Variants in FRMPD4 observed in about 807,000 individuals in gnomAD.
FRMPD4 encodes the protein FERM and PDZ domain containing 4.
In FRMPD4, 22 loss-of-function variants were observed where a neutral mutation model predicts 94.1. The ratio of observed to expected loss-of-function variants is 0.23; its 90% CI spans 0.17 to 0.33. The LOEUF (loss-of-function observed/expected upper bound fraction) is 0.33. FRMPD4 is among the 10% of genes least tolerant of loss of function. The pLI is 1.00. For missense variants in FRMPD4, 1,111 were observed against 1,339.9 expected, an observed-to-expected ratio of 0.83 and a Z score of 2.67; for synonymous variants, 631 against 548.6, an observed-to-expected ratio of 1.15 and a Z score of -2.10.
chrX:12,526,838 G>A (rs1331384926), intron 2 of FRMPD4, among the ~76,000 whole-genome samples: 3 of 112,101 alleles, frequency 2.7e-5, no homozygotes, highest in African/African-American at 9.7e-5. Flanking sequence ...AAATAATGTT[G>A]TCTTATACAT....
intron 1 of FRMPD4, among the ~76,000 whole-genome samples, chrX:12,322,360 G>A (rs2055219891): frequency 9.0e-6 from 1 of 111,396 alleles, no homozygotes; most frequent in Non-Finnish European, 1.9e-5. Flanking sequence ...CAAGGTAATT[G>A]AAGGATGTCA....
intron 1 of FRMPD4, among the ~76,000 whole-genome samples, chrX:12,358,537 C>T (rs2055930095): frequency 9.0e-6 from 1 of 111,369 alleles, no homozygotes; most frequent in African/African-American, 3.3e-5. Flanking sequence ...TGTGACTTGC[C>T]ATTTACTTGG....
chrX:11,970,323 T>G (rs2054333378), intron 3 of FRMPD4, among the ~76,000 whole-genome samples: 1 of 111,988 alleles, frequency 8.9e-6, no homozygotes, highest in African/African-American at 3.2e-5. Context: ...GTACTTTGTA[T>G]AGTTGATCAC....
chrX:12,342,259 T>A (rs186396891), intron 1 of FRMPD4, among the ~76,000 whole-genome samples: 37 of 112,231 alleles, frequency 3.3e-4, no homozygotes, highest in Admixed American at 7.6e-4. Context: ...ATAGGTATAT[T>A]TCTATAAGCA....
chrX:12,019,485 C>G (rs1306950931), intron 3 of FRMPD4, among the ~76,000 whole-genome samples: 5 of 110,289 alleles, frequency 4.5e-5, no homozygotes, highest in Non-Finnish European at 7.6e-5. Context: ...TCTGACTAAG[C>G]CATTCCCCTG....
chrX:12,278,093 C>T (rs2054468868), intron 1 of FRMPD4, among the ~76,000 whole-genome samples: 1 of 112,684 alleles, frequency 8.9e-6, no homozygotes, highest in African/African-American at 3.2e-5. Flanking sequence ...AGTGAGGGCT[C>T]TGCATAGATT....
intron 1 of FRMPD4, among the ~76,000 whole-genome samples, chrX:12,266,775 T>G (rs957062680): frequency 3.6e-5 from 4 of 112,107 alleles, no homozygotes; most frequent in Non-Finnish European, 7.5e-5. Context: ...GGAAATAATA[T>G]GAGAGATGTA....
intron 2 of FRMPD4, among the ~76,000 whole-genome samples, chrX:12,526,449 C>G (rs190203735): frequency 7.8e-4 from 88 of 112,805 alleles, no homozygotes; most frequent in African/African-American, 2.8e-3. Flanking sequence ...TCACAAAGAG[C>G]CCCTTGGGGC....
chrX:12,472,445 G>C (rs2057525216), intron 1 of FRMPD4, among the ~76,000 whole-genome samples: 1 of 112,499 alleles, frequency 8.9e-6, no homozygotes, highest in African/African-American at 3.2e-5. Context: ...TGTGGGGTCA[G>C]CATGGAGCTC....
chrX:12,253,654 G>A (rs1200729333), intron 1 of FRMPD4, among the ~76,000 whole-genome samples: 1 of 111,971 alleles, frequency 8.9e-6, no homozygotes, highest in Non-Finnish European at 1.9e-5. Context: ...ATTGGATAAT[G>A]TGTGTGTAGT....
chrX:11,839,204 T>C (rs891163098), intron 1 of FRMPD4, among the ~76,000 whole-genome samples: 1 of 111,670 alleles, frequency 9.0e-6, no homozygotes, highest in African/African-American at 3.2e-5. Flanking sequence ...GCTGTACCAT[T>C]TTACATCCCC....
chrX:12,100,822 A>G (rs555649095), intron 3 of FRMPD4, among the ~76,000 whole-genome samples: 28 of 111,983 alleles, frequency 2.5e-4, no homozygotes, highest in African/African-American at 8.4e-4. Flanking sequence ...AAGGCATTGA[A>G]AGAAACAAGC....
At chrX:12,028,428 G>GCATCTCA (rs1187285325) in intron 3 of FRMPD4, among the ~76,000 whole-genome samples, 1 of 110,945 alleles carries the variant, frequency 9.0e-6, no homozygotes, top group Non-Finnish European at 1.9e-5. Context: ...GCCATTATCA[G>GCATCTCA]CATCTCACAC....
At chrX:12,567,233 C>T (rs1343209640) in intron 2 of FRMPD4, among the ~76,000 whole-genome samples, 1 of 111,803 alleles carries the variant, frequency 8.9e-6, no homozygotes, top group African/African-American at 3.3e-5. Context: ...GCTTTGGGAG[C>T]AACAGATTTG....
intron 2 of FRMPD4, among the ~76,000 whole-genome samples, chrX:12,532,417 G>C: frequency 9.0e-6 from 1 of 111,700 alleles, no homozygotes; most frequent in Non-Finnish European, 1.9e-5. Flanking sequence ...AGTTGGATGG[G>C]AGGTGAATTT....
intron 2 of FRMPD4, among the ~76,000 whole-genome samples, chrX:12,566,493 CATCACAAT>C (rs1459906940): frequency 8.9e-6 from 1 of 111,859 alleles, no homozygotes; most frequent in African/African-American, 3.2e-5. Context: ...CACTTCATAG[CATCACAAT>C]ATCACAATAT....
intron 1 of FRMPD4, among the ~76,000 whole-genome samples, chrX:12,250,042 C>CTG (rs2054013576): frequency 1.4e-5 from 1 of 70,469 alleles, no homozygotes; most frequent in Non-Finnish European, 2.5e-5. Flanking sequence ...CTCTCTCTCT[C>CTG]TCTCTCTGTG....
chrX:12,320,318 G>A (rs1012100416), intron 1 of FRMPD4, among the ~76,000 whole-genome samples: 1 of 111,064 alleles, frequency 9.0e-6, no homozygotes, highest in Non-Finnish European at 1.9e-5. Context: ...CTTCTTCAAG[G>A]CCACGCAGCA....
intron 1 of FRMPD4, among the ~76,000 whole-genome samples, chrX:12,210,551 C>A (rs1003139504): frequency 4.8e-4 from 54 of 111,392 alleles, no homozygotes; most frequent in Non-Finnish European, 1.1e-4. Context: ...AGGGGCTGGC[C>A]AGACAGAAAG....
Sources: allele counts gnomAD v4.1 joint callset (sites outside exome capture counted in the v4.1 genomes callset), GRCh38; gene constraint gnomAD v4.1.1; transcripts MANE v1.5; gene names NCBI Gene and HGNC (gene_info 2026-07-23, HGNC 2026-07-21).